NBPF12: variants seen among roughly 807,000 people sequenced by gnomAD.
NBPF12 encodes NBPF family member NBPF12.
NBPF12 carries 115 observed loss-of-function variants against 146.4 expected under a neutral mutation model. That is an observed-to-expected ratio of 0.79 (90% confidence interval 0.68 to 0.92). NBPF12 has a LOEUF of 0.92. NBPF12 is among the 40% of genes least tolerant of loss of function. The probability of loss-of-function intolerance (pLI) is 0.00; values close to 1 mark genes in which losing one functional copy is unlikely to be tolerated. For missense variants in NBPF12, 1,205 were observed against 1,326.8 expected (o/e 0.91, Z 1.43); for synonymous variants, 385 against 508.9 (o/e 0.76, Z 3.28).
At position 146,972,783 on chromosome 1, in the gene NBPF12, A is replaced by G. The variant is rs1553886770; in HGVS notation, c.1624A>G (p.Ser542Gly). The G allele has an allele frequency of 1.2e-4, 147 of 1,258,052 alleles. 1 individual carries two copies. The highest frequency in any genetic ancestry group is 5.3e-4 in the Middle Eastern group (2 of 3,798). The allele number at this position is 1,258,052 out of a possible 1,614,324, so 77.9% of individuals were successfully genotyped here. The change falls in exon 14 of 34, where the codon AGC (serine) becomes GGC (glycine). Residue 542 changes from serine (S) to glycine (G), a missense_variant. Physicochemically the swap from Ser to Gly is moderately conservative, Grantham distance 56. Around this residue, in one of 16 missense-constraint regions of NBPF12, gnomAD observed 278 missense variants for 203.1 expected, o/e 1.37. Coordinates refer to ENST00000617844, the Ensembl canonical transcript of NBPF12. The stretch of plus-strand genomic sequence containing the variant: ...CCCCACCTCTTCTGCCACAAACGTC[A>G]GCATGGTGGTATCAGCCGGCCCTTT...
chr1:146,968,577 G>T lies in NBPF12; in HGVS notation c.1091+27G>T, dbSNP rs1553885934. The stretch of plus-strand genomic sequence containing the variant: ...TGAGGGGACCCCATGGGGGCAGGCA[G>T]GGGGGCAGGTGTGTAAATCTCTGAA... On this transcript the variant is annotated intron_variant, in intron 10 of 33. Coordinates refer to ENST00000617844, the Ensembl canonical transcript of NBPF12. 17 of 1,550,462 alleles carry T rather than the reference G, an allele frequency of 1.1e-5. No individual in the cohort carries two copies. The African/African-American group carries it at 1.6e-4, about 15-fold the overall frequency.
chr1:146,941,758 CAAAAAA>C (rs1226007703), intron 1 of NBPF12, among the ~76,000 whole-genome samples: 3 of 61,838 alleles, frequency 4.9e-5, no homozygotes, highest in African/African-American at 1.3e-4. Flanking sequence ...TGTCTTGTAC[CAAAAAA>C]AAAAAAAAAA....
rs1281548133 is a variant in NBPF12, at chr1:146,963,402, G to C, written c.493+93G>C. ...TTCATGATGACAGTTGTATCAGTGGGGTTTTTTTCTACTACACATATGTGG... is the reference window on the plus strand; with the variant it reads ...TTCATGATGACAGTTGTATCAGTGGCGTTTTTTTCTACTACACATATGTGG... On this transcript the variant is annotated intron_variant, in intron 6 of 33. Coordinates refer to ENST00000617844, the Ensembl canonical transcript of NBPF12. The C allele has an allele frequency of 2.5e-6, 4 of 1,603,106 alleles. No homozygotes were observed. In the African/African-American group the frequency reaches 5.4e-5, roughly 22 times the overall value.
intron 14 of NBPF12, among the ~76,000 whole-genome samples, chr1:146,973,646 G>A (rs1321049028): frequency 1.0e-4 from 15 of 149,024 alleles, no homozygotes; most frequent in Admixed American, 2.0e-4. Context: ...AAAGTAGATG[G>A]GCATGGTGGC....
chr1:146,969,710 T>A, intron 11 of NBPF12, 114 bp downstream of exon 14: 14 of 1,566,062 alleles, frequency 8.9e-6, no homozygotes, highest in Non-Finnish European at 1.2e-5. Flanking sequence ...ACTACACATG[T>A]GTGGCCATGA....
chr1:146,976,421 G>A (rs1256921089), intron 16 of NBPF12, among the ~76,000 whole-genome samples: 1 of 129,184 alleles, frequency 7.7e-6, no homozygotes, highest in East Asian at 2.5e-4. Context: ...ACTTGATGTG[G>A]GGGCATTTTG....
chr1:146,966,843 GTATT>G (rs1207434233), intron 9 of NBPF12, among the ~76,000 whole-genome samples, 170 bp downstream of exon 12: 1 of 147,544 alleles, frequency 6.8e-6, no homozygotes, highest in African/African-American at 2.6e-5. Flanking sequence ...AGGTACCAAA[GTATT>G]TAGCAACTTT....
upstream of NBPF12, among the ~76,000 whole-genome samples, chr1:146,947,858 A>C (rs1655140983): frequency 2.0e-5 from 3 of 151,814 alleles, no homozygotes; most frequent in Non-Finnish European, 4.4e-5. Flanking sequence ...CTCTCCTTGA[A>C]TTGGTTCTTC....
chr1:146,949,753 G>A (rs1432171347), intron 1 of NBPF12, among the ~76,000 whole-genome samples: 3 of 150,982 alleles, frequency 2.0e-5, no homozygotes, highest in African/African-American at 7.4e-5. Flanking sequence ...TTGTTTGTGG[G>A]GGACTGAGGG....
chr1:146,964,825 A>G, intron 7 of NBPF12, 68 bp from the exon 11 acceptor site: 3 of 1,596,028 alleles, frequency 1.9e-6, no homozygotes. Flanking sequence ...AAAACCAGCT[A>G]GGACTCCCTG....
chr1:146,953,505 G>A (rs1289221425), intron 2 of NBPF12, among the ~76,000 whole-genome samples: 3 of 137,678 alleles, frequency 2.2e-5, no homozygotes, highest in South Asian at 2.6e-4. Context: ...CACCATGCCC[G>A]GCCTCTTTTT....
At chr1:146,973,671 A>T (rs1656804409) in intron 14 of NBPF12, among the ~76,000 whole-genome samples, 1 of 148,380 alleles carries the variant, frequency 6.7e-6, no homozygotes, top group Non-Finnish European at 1.5e-5. Flanking sequence ...GACTGTAATC[A>T]CCCCTGCTCA....
At chr1:146,964,904 A>G in exon 8 of NBPF12, 1 of 1,600,144 alleles carries the variant, frequency 6.2e-7, no homozygotes, top group Non-Finnish European at 8.5e-7. Flanking sequence ...GAGGTGCAGA[A>G]GGCTGAAGAG....
At chr1:146,971,279 C>G in exon 13 of NBPF12, 6 of 1,612,298 alleles carry the variant, frequency 3.7e-6, no homozygotes, top group Non-Finnish European at 5.1e-6. Flanking sequence ...GTGACTCCAA[C>G]CAGCCTCACA....
chr1:146,964,617 G>C (rs1218162291), intron 7 of NBPF12, among the ~76,000 whole-genome samples, 188 bp downstream of exon 10: 1 of 151,944 alleles, frequency 6.6e-6, no homozygotes, highest in Non-Finnish European at 1.5e-5. Flanking sequence ...CAAGTGTCAT[G>C]TCTGTACCAT....
intron 19 of NBPF12, among the ~76,000 whole-genome samples, chr1:146,980,274 C>T (rs1283085759): frequency 6.6e-6 from 1 of 152,004 alleles, no homozygotes; most frequent in African/African-American, 2.4e-5. Flanking sequence ...ATCCAATTTG[C>T]CATTCTGTGT....
intron 31 of NBPF12, 52 bp from the exon 35 acceptor site, chr1:146,992,660 T>A (rs1658279527): frequency 2.1e-5 from 16 of 766,856 alleles, no homozygotes; most frequent in Middle Eastern, 7.0e-4. Flanking sequence ...GTTGGGGCTC[T>A]GTTGTGTCTG....
At chr1:146,944,837 ACT>A (rs1176911748), upstream of NBPF12, among the ~76,000 whole-genome samples, 1 of 126,544 alleles carries the variant, frequency 7.9e-6, no homozygotes, top group Non-Finnish European at 1.7e-5. Flanking sequence ...CTTCCCTCCC[ACT>A]CTCTTTCTCT....
intron 10 of NBPF12, among the ~76,000 whole-genome samples, 194 bp downstream of exon 13, chr1:146,968,744 CA>C (rs1355449408): frequency 1.3e-5 from 2 of 151,612 alleles, no homozygotes; most frequent in Non-Finnish European, 2.9e-5. Context: ...AGTTGTTTCT[CA>C]GAGCCTTGTT....
Sources: gnomAD v4.1 joint callset for allele counts (sites outside exome capture counted in the v4.1 genomes callset) on GRCh38, gnomAD v4.1.1 for gene constraint, gnomAD v4.1.1 regional missense constraint, MANE v1.5 for transcripts, NCBI Gene and HGNC (gene_info 2026-07-23, HGNC 2026-07-21) for gene names.